DPYSL4: variants seen among roughly 807,000 people sequenced by gnomAD.
DPYSL4 encodes dihydropyrimidinase-related protein 4.
Under a neutral mutation model 63.4 loss-of-function variants are expected in DPYSL4, and 43 were observed. That is an observed-to-expected ratio of 0.68 (90% CI 0.53 to 0.88). The LOEUF (loss-of-function observed/expected upper bound fraction) is 0.88. Among genes scored for constraint, DPYSL4 ranks in the 40% least tolerant of loss-of-function variants. DPYSL4 has a pLI of 0.00. For synonymous variants in DPYSL4, 353 were observed against 331.7 expected, an observed-to-expected ratio of 1.06 and a Z score of -0.70; for missense variants, 733 against 819.5, an observed-to-expected ratio of 0.89 and a Z score of 1.29.
chr10:132,199,933 G>A (rs953746969), intron 8 of DPYSL4, among the ~76,000 whole-genome samples: 1 of 152,082 alleles, frequency 6.6e-6, no homozygotes, highest in African/African-American at 2.4e-5. Context: ...CCACCTGGGA[G>A]CATTTCTCCC....
chr10:132,187,189 C>T, intron 1 of DPYSL4, 87 bp downstream of exon 1: 6 of 994,052 alleles, frequency 6.0e-6, no homozygotes, highest in East Asian at 3.0e-5. Context: ...TGGTCTTGTG[C>T]GTGGGTGGGG....
chr10:132,204,977 G>A lies in DPYSL4; in HGVS notation c.*47G>A, dbSNP rs375959242. The A allele has an allele frequency of 2.6e-5, 40 of 1,520,400 alleles. No individual in the cohort carries two copies. Among genetic ancestry groups the A allele is most frequent in the Admixed American group, 1.4e-4 (7 of 49,114 alleles). 94.2% of individuals were successfully genotyped at this position (1,520,400 alleles called of 1,614,324 possible). A position where few individuals can be genotyped will look rare whatever the true frequency, so the allele number is the denominator to read the frequency against. ...AGCCGTGCTGGCCCCACCCGAGGCC[G>A]CGGGGGCCCCAGGGCACTCGCCCCC... On this transcript the variant is annotated 3_prime_UTR_variant, in exon 14 of 14. Coordinates refer to ENST00000338492, the MANE Select transcript of DPYSL4 (RefSeq NM_006426.3).
Position 132,194,921 on chromosome 10 carries a change from G to A in DPYSL4, c.390G>A (p.Ala130=), listed in dbSNP as rs758634550. The change falls in exon 4 of 14, where the codon GCG becomes GCA. Residue 130 remains alanine, a synonymous_variant. Transcript: ENST00000338492. ...AGTGGCGGGAGCGGGCGGACAGCGC[G>A]GCCTGCTGCGACTACTCCCTGCACG... is the stretch of plus-strand genomic sequence containing the variant. ...YEQWRERADS[A]ACCDYSLHVD... is the part of the protein sequence containing the mutation. 39 of 1,612,308 alleles carry A rather than the reference G, an allele frequency of 2.4e-5. 1 individual carries two copies. The highest frequency in any genetic ancestry group is 1.6e-4 in the Middle Eastern group (1 of 6,082).
intron 4 of DPYSL4, among the ~76,000 whole-genome samples, chr10:132,196,199 T>C (rs2061941587): frequency 6.6e-6 from 1 of 152,216 alleles, no homozygotes. Flanking sequence ...GGATCCTGCC[T>C]CCAGGCCCAG....
Position 132,205,747 on chromosome 10 carries a change from G to A in DPYSL4, c.*817G>A, listed in dbSNP as rs78852489. ...GATGTGAATCAGGCCCATTAAAGAC[G>A]TCTGGGTTTGAAGCCGCCTGTGCAT... On this transcript the variant is annotated 3_prime_UTR_variant, in exon 14 of 14. Coordinates refer to ENST00000338492, the MANE Select transcript of DPYSL4 (RefSeq NM_006426.3). The A allele has an allele frequency of 9.2e-3, 1,407 of 152,422 alleles. 16 individuals carry two copies. Among genetic ancestry groups the A allele is most frequent in the African/African-American group, 0.031 (1,302 of 41,564 alleles). 9.4% of individuals were successfully genotyped at this position (152,422 alleles called of 1,614,324 possible).
intron 1 of DPYSL4, among the ~76,000 whole-genome samples, chr10:132,190,100 C>T (rs2061853752): frequency 6.6e-6 from 1 of 152,252 alleles, no homozygotes; most frequent in African/African-American, 2.4e-5. Context: ...TCTCCCAGCC[C>T]CTCTCTCATG....
chr10:132,198,708 C>T, intron 7 of DPYSL4, 143 bp from the exon 8 acceptor site: 4 of 1,311,284 alleles, frequency 3.1e-6, no homozygotes, highest in Non-Finnish European at 4.1e-6. Context: ...CAGGCCCAGG[C>T]ACTGAGCCCG....
rs1022294252 is a variant in DPYSL4, at chr10:132,202,663, C to T, written c.1299C>T (p.Ile433=). 5.6e-6 allele frequency: 9 copies of T among 1,612,772 alleles called. No individual in the cohort carries two copies. Among genetic ancestry groups the T allele is most frequent in the Non-Finnish European group, 7.6e-6 (9 of 1,179,976 alleles). The part of the protein sequence containing the change: ...KTHNLNVEYN[I]FEGVECRGAP... ...CTCCCCAGAACGTGGAGTACAACAT[C>T]TTCGAGGGAGTGGAGTGCCGGGGAG... The change falls in exon 12 of 14, where the codon ATC becomes ATT. Residue 433 remains isoleucine, a synonymous_variant. Transcript: ENST00000338492.
chr10:132,204,005 C>T, intron 13 of DPYSL4, 78 bp downstream of exon 13: 3 of 1,519,732 alleles, frequency 2.0e-6, no homozygotes, highest in Non-Finnish European at 2.7e-6. Context: ...AGGGCCCAGC[C>T]TGTGCCCAGA....
chr10:132,200,376 C>G lies in DPYSL4; in HGVS notation c.832C>G (p.Pro278Ala). 6.2e-7 allele frequency: 1 copy of G among 1,613,286 alleles called. No individual in the cohort carries two copies. Among genetic ancestry groups the G allele is most frequent in the Non-Finnish European group, 8.5e-7 (1 of 1,179,876 alleles). The change falls in exon 9 of 14, where the codon CCC becomes GCC. Residue 278 changes from proline (P) to alanine (A), a missense_variant. Transcript: ENST00000338492. ...KRRGVVVFGEPITASLGTDGS... is the reference protein window; with the variant it reads ...KRRGVVVFGEAITASLGTDGS... ...TGCAGGGGTGGTCGTGTTTGGGGAG[C>G]CCATCACCGCCAGCCTGGGCACCGA... is the stretch of plus-strand genomic sequence containing the variant.
chr10:132,196,982 G>C, intron 5 of DPYSL4, 39 bp from the exon 6 acceptor site: 1 of 1,613,030 alleles, frequency 6.2e-7, no homozygotes, highest in Non-Finnish European at 8.5e-7. Context: ...GCTGGTGCAG[G>C]CGCAGCCCCA....
intron 3 of DPYSL4, among the ~76,000 whole-genome samples, chr10:132,193,950 G>C (rs775550496): frequency 6.6e-6 from 1 of 152,272 alleles, no homozygotes; most frequent in Non-Finnish European, 1.5e-5. Flanking sequence ...ACTGGCCACT[G>C]CTCGCGCCCT....
At chr10:132,204,684 C>G (rs894371411) in intron 13 of DPYSL4, among the ~76,000 whole-genome samples, 155 bp from the exon 14 acceptor site, 1 of 152,212 alleles carries the variant, frequency 6.6e-6, no homozygotes, top group Non-Finnish European at 1.5e-5. Context: ...TCCTGCCGGG[C>G]ACCTGGTCTG....
intron 2 of DPYSL4, chr10:132,192,346 C>T (rs886632233): frequency 9.8e-5 from 101 of 1,033,794 alleles, no homozygotes; most frequent in African/African-American, 8.3e-4. Flanking sequence ...CATCTATTAG[C>T]GCACCTGCTT....
intron 10 of DPYSL4, among the ~76,000 whole-genome samples, chr10:132,201,631 G>A (rs898041334): frequency 2.6e-5 from 4 of 152,276 alleles, no homozygotes; most frequent in African/African-American, 7.2e-5. Flanking sequence ...CTTACCCTGA[G>A]TGTTGCCATG....
chr10:132,191,275 C>T (rs1181990218), intron 2 of DPYSL4, among the ~76,000 whole-genome samples: 10 of 120,412 alleles, frequency 8.3e-5, no homozygotes, highest in African/African-American at 3.2e-4. Flanking sequence ...ACGCTGGCCA[C>T]GTGGTATCCA....
chr10:132,199,941 C>T (rs1017537287), intron 8 of DPYSL4, among the ~76,000 whole-genome samples: 2 of 152,082 alleles, frequency 1.3e-5, no homozygotes, highest in Non-Finnish European at 2.9e-5. Flanking sequence ...GAGCATTTCT[C>T]CCCCACCCAC....
chr10:132,198,331 T>C (rs1164900961), intron 6 of DPYSL4, 84 bp from the exon 7 acceptor site: 23 of 1,389,076 alleles, frequency 1.7e-5, no homozygotes, highest in Non-Finnish European at 1.7e-5. Flanking sequence ...ACTTGGGGAA[T>C]GGGGCCTCCC....
Position 132,192,809 on chromosome 10 carries a change from A to G in DPYSL4, c.280A>G (p.Lys94Glu), listed in dbSNP as rs749475446. ...TPADDFCQGT[K>E]AALAGGTTMI... The stretch of plus-strand genomic sequence containing the variant: ...GGCTGACGACTTCTGTCAGGGCACC[A>G]AGGCAGCGCTAGCAGGAGGAACCAC... The change falls in exon 3 of 14, where the codon AAG becomes GAG. Residue 94 changes from lysine (K) to glutamate (E), a missense_variant. Lys to Glu is a moderately conservative substitution (Grantham distance 56, BLOSUM62 1). Transcript: ENST00000338492. The G allele has an allele frequency of 6.2e-7, 1 of 1,612,636 alleles. No homozygotes were observed.
Sources: gnomAD v4.1 joint callset for allele counts (sites outside exome capture counted in the v4.1 genomes callset) on GRCh38, gnomAD v4.1.1 for gene constraint, MANE v1.5 for transcripts, NCBI Gene and HGNC (gene_info 2026-07-23, HGNC 2026-07-21) for gene names.